The following DGKH variants were observed in gnomAD, a reference collection of about 807,000 sequenced individuals.
The protein encoded by DGKH is diacylglycerol kinase eta, also known as DAG kinase eta.
Under a neutral mutation model 159.3 loss-of-function variants are expected in DGKH, and 90 were observed. The ratio of observed to expected loss-of-function variants is 0.57; its 90% confidence interval spans 0.48 to 0.67. The LOEUF (loss-of-function observed/expected upper bound fraction) is 0.67. DGKH is among the 30% of genes least tolerant of loss of function. The probability of loss-of-function intolerance (pLI) is 0.00; values close to 1 mark genes in which losing one functional copy is unlikely to be tolerated. For synonymous variants in DGKH, 536 were observed against 553.8 expected, an observed-to-expected ratio of 0.97 and a Z score of 0.45; for missense variants, 1,181 against 1,506.1, an observed-to-expected ratio of 0.78 and a Z score of 3.57.
intron 1 of DGKH, among the ~76,000 whole-genome samples, chr13:42,049,612 G>T: frequency 6.6e-6 from 1 of 152,214 alleles, no homozygotes; most frequent in East Asian, 1.9e-4. Flanking sequence ...ACCGCACCCT[G>T]CATGGCTCCA....
chr13:42,046,742 A>G (rs1289960491), upstream of DGKH, among the ~76,000 whole-genome samples: 1 of 152,250 alleles, frequency 6.6e-6, no homozygotes, highest in Non-Finnish European at 1.5e-5. Context: ...ATAATGTATG[A>G]ATAGAAGTAT....
intron 15 of DGKH, 23 bp from the exon 16 acceptor site, chr13:42,190,380 A>T: frequency 6.3e-7 from 1 of 1,599,372 alleles, no homozygotes; most frequent in South Asian, 1.1e-5. Context: ...TATCCAAACT[A>T]TTTGTCTTCT....
intron 3 of DGKH, among the ~76,000 whole-genome samples, chr13:42,141,837 C>T (rs1192901752): frequency 1.3e-5 from 2 of 151,988 alleles, no homozygotes; most frequent in Non-Finnish European, 1.5e-5. Flanking sequence ...TTCTCCCATT[C>T]TGTAGGTTGC....
chr13:42,167,803 C>G (rs773854505), intron 9 of DGKH, among the ~76,000 whole-genome samples: 2 of 152,112 alleles, frequency 1.3e-5, no homozygotes, highest in African/African-American at 2.4e-5. Context: ...CATTTGTCCT[C>G]GAAGGCTTCA....
At chr13:42,043,272 G>A (rs1880620444) in intron 1 of DGKH, among the ~76,000 whole-genome samples, 1 of 152,188 alleles carries the variant, frequency 6.6e-6, no homozygotes, top group African/African-American at 2.4e-5. Flanking sequence ...AGACCAATCT[G>A]TGGATCCTCA....
At chr13:42,124,644 G>T (rs910311649) in intron 1 of DGKH, among the ~76,000 whole-genome samples, 1 of 152,186 alleles carries the variant, frequency 6.6e-6, no homozygotes, top group Non-Finnish European at 1.5e-5. Context: ...GAGCTCTGGT[G>T]ATGGGAGAGA....
At chr13:42,051,646 C>CTTTTTTTTTTTT (rs56413015) in intron 1 of DGKH, among the ~76,000 whole-genome samples, 2 of 50,130 alleles carry the variant, frequency 4.0e-5, no homozygotes, top group African/African-American at 1.5e-4. Context: ...TCAAAGCCAT[C>CTTTTTTTTTTTT]TTTTTTTTTT....
intron 1 of DGKH, among the ~76,000 whole-genome samples, chr13:42,052,726 T>C (rs1260793187): frequency 6.6e-6 from 1 of 152,370 alleles, no homozygotes; most frequent in East Asian, 1.9e-4. Flanking sequence ...CCATGAATAC[T>C]GCAACCTTTC....
intron 21 of DGKH, among the ~76,000 whole-genome samples, chr13:42,208,057 A>G (rs974947557): frequency 1.3e-5 from 2 of 152,128 alleles, no homozygotes; most frequent in African/African-American, 4.8e-5. Flanking sequence ...CACATTCATT[A>G]TTTAATGTCC....
At chr13:42,044,516 C>T (rs1880697105), upstream of DGKH, among the ~76,000 whole-genome samples, 1 of 152,138 alleles carries the variant, frequency 6.6e-6, no homozygotes, top group South Asian at 2.1e-4. Flanking sequence ...GTCTCGATCT[C>T]CTGACCTCGT....
intron 1 of DGKH, among the ~76,000 whole-genome samples, chr13:42,059,905 C>CTTTTTTTTTTT (rs11357293): frequency 7.2e-6 from 1 of 139,816 alleles, no homozygotes; most frequent in African/African-American, 2.6e-5. Context: ...TCTCTTTTTT[C>CTTTTTTTTTTT]TTTTTTTTTT....
At chr13:42,107,687 C>T (rs372598130) in intron 1 of DGKH, among the ~76,000 whole-genome samples, 40 of 151,990 alleles carry the variant, frequency 2.6e-4, no homozygotes, top group Admixed American at 3.3e-4. Context: ...GAGGCCTGCC[C>T]GGGTAAGGCA....
intron 1 of DGKH, chr13:42,069,482 T>G: frequency 1.3e-6 from 2 of 1,560,958 alleles, no homozygotes; most frequent in Non-Finnish European, 1.8e-6. Context: ...TGTTGGAAAC[T>G]AAATTGAATA....
intron 16 of DGKH, among the ~76,000 whole-genome samples, chr13:42,193,506 T>G (rs1340134323): frequency 6.6e-6 from 1 of 152,218 alleles, no homozygotes; most frequent in Non-Finnish European, 1.5e-5. Flanking sequence ...TATTGTATCA[T>G]CATGTAATAA....
chr13:42,049,093 A>T, intron 1 of DGKH, 128 bp downstream of exon 1: 1 of 189,220 alleles, frequency 5.3e-6, no homozygotes. Context: ...AAGGCGGGGA[A>T]GGCGGGGAAG....
In DGKH at chr13:42,073,625, G is replaced by A. The variant is rs143376595; in HGVS notation, c.192+24660G>A. 5.9e-4 allele frequency among the ~76,000 whole-genome samples: 90 copies of A among 152,274 alleles called. No homozygotes were observed. The East Asian group carries it at 0.017, about 29-fold the overall frequency. On this transcript the variant is annotated intron_variant, in intron 1 of 29. Transcript: ENST00000337343. Reference sequence around the variant, plus strand: ...TGTAAAGTAGGCAAAGCTAAGCCGTGATATTTGGCAGGTTAGGCGTATTAA... The same window carrying A: ...TGTAAAGTAGGCAAAGCTAAGCCGTAATATTTGGCAGGTTAGGCGTATTAA...
At chr13:42,129,367 G>T (rs1469349053) in intron 2 of DGKH, among the ~76,000 whole-genome samples, 185 bp from the exon 3 acceptor site, 1 of 152,130 alleles carries the variant, frequency 6.6e-6, no homozygotes, top group African/African-American at 2.4e-5. Flanking sequence ...TTCAGTTGGG[G>T]ATTTATGGAT....
chr13:42,184,289 T>C (rs566604448), intron 13 of DGKH, among the ~76,000 whole-genome samples: 1 of 152,342 alleles, frequency 6.6e-6, no homozygotes, highest in South Asian at 2.1e-4. Context: ...CTGGGTACCA[T>C]TGCCATATTT....
chr13:42,151,548 CGTGTATATATGTAGTT>C (rs1955894615), intron 3 of DGKH, among the ~76,000 whole-genome samples: 1 of 106,156 alleles, frequency 9.4e-6, no homozygotes, highest in Admixed American at 1.1e-4. Context: ...TATATATACA[CGTGTATATATGTAGTT>C]TCACTTATAT....
Sources: allele counts gnomAD v4.1 joint callset (sites outside exome capture counted in the v4.1 genomes callset), GRCh38; gene constraint gnomAD v4.1.1; transcripts MANE v1.5; gene names NCBI Gene and HGNC (gene_info 2026-07-23, HGNC 2026-07-21).